PATL2: variants seen among roughly 807,000 people sequenced by gnomAD.
PATL2 encodes PAT1 homolog 2.
PATL2 carries 73 observed loss-of-function variants against 77.0 expected under a neutral mutation model. That is an observed-to-expected ratio of 0.95 (90% CI 0.78 to 1.15). The LOEUF (loss-of-function observed/expected upper bound fraction) is 1.15, where lower values mean the gene tolerates loss of function less well. Ranked by LOEUF, PATL2 falls within the 50% of genes most tolerant of loss-of-function variation. PATL2 has a pLI of 0.00. For synonymous variants in PATL2, 265 were observed against 257.1 expected (o/e 1.03, Z -0.29); for missense variants, 618 against 655.4 (o/e 0.94, Z 0.62).
chr15:44,669,266 C>G lies in PATL2; in HGVS notation c.1064+14G>C. The G allele has an allele frequency of 6.5e-7, 1 of 1,540,912 alleles. No individual in the cohort carries two copies. Among genetic ancestry groups the G allele is most frequent in the Non-Finnish European group, 8.8e-7 (1 of 1,138,424 alleles). ...TTCCCTTCCTGGGCTGAGGTGGAAC[C>G]CTCCCACACTCACTCCAGGTTGTTC... On this transcript the variant is annotated intron_variant, in intron 13 of 17. Transcript: ENST00000682850.
intron 3 of PATL2, among the ~76,000 whole-genome samples, chr15:44,682,794 G>T (rs1458368973): frequency 6.6e-6 from 1 of 152,196 alleles, no homozygotes; most frequent in Non-Finnish European, 1.5e-5. Flanking sequence ...TCAAAACGGT[G>T]GCTGGCAAGA....
At chr15:44,684,739 A>G (rs886907807) in intron 3 of PATL2, among the ~76,000 whole-genome samples, 1 of 152,196 alleles carries the variant, frequency 6.6e-6, no homozygotes, top group African/African-American at 2.4e-5. Context: ...TTCAGGAAAT[A>G]TGGAGAACAC....
chr15:44,673,481 C>A, intron 6 of PATL2, 104 bp from the exon 7 acceptor site: 2 of 1,405,792 alleles, frequency 1.4e-6, no homozygotes, highest in Admixed American at 2.1e-5. Flanking sequence ...CCCTCAAGAA[C>A]TTCACCCAAC....
At chr15:44,666,956 A>G in intron 16 of PATL2, 150 bp downstream of exon 16, 1 of 657,734 alleles carries the variant, frequency 1.5e-6, no homozygotes, top group Non-Finnish European at 2.6e-6. Context: ...GCACTATAGA[A>G]AAAAAGCAGA....
chr15:44,692,440 A>T (rs1294835363), intron 3 of PATL2, among the ~76,000 whole-genome samples: 2 of 152,218 alleles, frequency 1.3e-5, no homozygotes, highest in Non-Finnish European at 2.9e-5. Context: ...TGGTACCTGC[A>T]TCACAGTCTA....
chr15:44,675,512 C>T lies in PATL2; in HGVS notation c.196G>A (p.Val66Ile). Reference protein sequence around the residue: ...EEENDLGDPAVLGAVHNTQRA... With the variant: ...EEENDLGDPAILGAVHNTQRA... Reference sequence around the variant, plus strand: ...TGGGTGTTGTGGACAGCACCAAGTACAGCTGGATCCCCAAGATCATTCTCT... The same window carrying T: ...TGGGTGTTGTGGACAGCACCAAGTATAGCTGGATCCCCAAGATCATTCTCT... Residue 66 changes from valine to isoleucine, a missense_variant, in exon 5 of 18, where the codon GTA becomes ATA. Transcript: ENST00000682850. The T allele has an allele frequency of 5.8e-6, 9 of 1,551,684 alleles. No homozygotes were observed. Among genetic ancestry groups the T allele is most frequent in the Non-Finnish European group, 7.8e-6 (9 of 1,146,940 alleles).
chr15:44,668,859 G>C, intron 14 of PATL2, 121 bp downstream of exon 14: 1 of 1,231,468 alleles, frequency 8.1e-7, no homozygotes, highest in Non-Finnish European at 1.1e-6. Flanking sequence ...GGCAAGGCCA[G>C]CATCCCTCGC....
At chr15:44,707,604 C>T (rs751119880) in intron 3 of PATL2, among the ~76,000 whole-genome samples, 5 of 152,158 alleles carry the variant, frequency 3.3e-5, no homozygotes, top group Non-Finnish European at 5.9e-5. Context: ...GTATCCAATG[C>T]AAGACAAACT....
chr15:44,672,525 A>G (rs1374342387), intron 7 of PATL2, 69 bp from the exon 8 acceptor site: 3 of 1,433,630 alleles, frequency 2.1e-6, no homozygotes, highest in Non-Finnish European at 2.9e-6. Context: ...CCATTCATTC[A>G]GCCCAGGTCA....
chr15:44,687,010 T>C (rs971349568), intron 3 of PATL2, among the ~76,000 whole-genome samples: 8 of 152,160 alleles, frequency 5.3e-5, no homozygotes, highest in Non-Finnish European at 8.8e-5. Flanking sequence ...TCTGAAACTA[T>C]TCCAAACAAT....
At chr15:44,698,374 T>C (rs769889118) in intron 3 of PATL2, among the ~76,000 whole-genome samples, 1 of 152,112 alleles carries the variant, frequency 6.6e-6, no homozygotes, top group Non-Finnish European at 1.5e-5. Context: ...CATTAACCAT[T>C]TCTCCTTCTC....
At chr15:44,669,199 A>C in intron 13 of PATL2, 60 bp from the exon 14 acceptor site, 2 of 1,523,446 alleles carry the variant, frequency 1.3e-6, no homozygotes, top group Non-Finnish European at 1.8e-6. Flanking sequence ...GCTACATGCC[A>C]CAAAGGAGAG....
At position 44,705,165 on chromosome 15, in the gene PATL2, C is replaced by T. The variant is rs1342668384; in HGVS notation, c.-76+4931G>A. 2.0e-5 allele frequency among the ~76,000 whole-genome samples: 3 copies of T among 152,020 alleles called. No individual in the cohort carries two copies. In the East Asian group the frequency reaches 5.8e-4, roughly 29 times the overall value. On this transcript the variant is annotated intron_variant, in intron 3 of 17. Coordinates refer to ENST00000682850, the MANE Select transcript of PATL2 (RefSeq NM_001387263.1). ...TCTACCCCATCTCTCTCTCTACCTC[C>T]TCTTTAAGGCCAATAACTCTTTTTT...
intron 13 of PATL2, 49 bp downstream of exon 13, chr15:44,669,231 T>A (rs2085539193): frequency 1.1e-5 from 17 of 1,534,822 alleles, no homozygotes; most frequent in Non-Finnish European, 1.2e-5. Flanking sequence ...ACCAGTGTCT[T>A]TGCTGCTCCT....
intron 16 of PATL2, chr15:44,666,861 T>A (rs967411564): frequency 1.2e-5 from 6 of 513,542 alleles, no homozygotes; most frequent in Non-Finnish European, 2.1e-5. Context: ...CAGCCAGAAT[T>A]CAAACGTAGG....
chr15:44,678,596 C>A (rs1278833879), intron 3 of PATL2, among the ~76,000 whole-genome samples: 1 of 152,134 alleles, frequency 6.6e-6, no homozygotes. Flanking sequence ...CTTCCCACAG[C>A]CTGTTAGAGC....
chr15:44,672,176 AC>A lies in PATL2; in HGVS notation c.516-21del. 3 of 1,551,604 alleles carry A rather than the reference AC, an allele frequency of 1.9e-6. No homozygotes were observed. The highest frequency in any genetic ancestry group is 2.6e-6 in the Non-Finnish European group (3 of 1,146,964). ...GGGGGACTTTAAGCCAGGAGGAACA[AC>A]CCTTTAGACTTACCCACCACTGGCA... is the stretch of plus-strand genomic sequence containing the variant. On this transcript the variant is annotated intron_variant, in intron 8 of 17. Coordinates refer to ENST00000682850, the MANE Select transcript of PATL2 (RefSeq NM_001387263.1).
Position 44,665,959 on chromosome 15 carries a change from A to C in PATL2, c.1626T>G (p.Ile542Met), listed in dbSNP as rs372758542. Residue 542 changes from isoleucine to methionine, a missense_variant, in exon 18 of 18, where the codon ATT becomes ATG. Physicochemically the swap from Ile to Met is conservative, Grantham distance 10 (BLOSUM62 1). Transcript: ENST00000682850. ...QLEARMEFAW[I>M]Y ...GTATTCCAGAACAAACAGATCAGTA[A>C]ATCCAGGCAAACCTATAAAGAGAAC... The C allele has an allele frequency of 2.7e-5, 41 of 1,544,058 alleles. 1 individual carries two copies. In the East Asian group the frequency reaches 8.6e-4, roughly 32 times the overall value.
rs990023863 is a variant in PATL2, at chr15:44,669,267, C to T, written c.1064+13G>A. ...TCCCTTCCTGGGCTGAGGTGGAACCCTCCCACACTCACTCCAGGTTGTTCT... is the reference window on the plus strand; with the variant it reads ...TCCCTTCCTGGGCTGAGGTGGAACCTTCCCACACTCACTCCAGGTTGTTCT... On this transcript the variant is annotated intron_variant, in intron 13 of 17. Coordinates refer to ENST00000682850, the MANE Select transcript of PATL2 (RefSeq NM_001387263.1). The T allele has an allele frequency of 2.3e-5, 35 of 1,544,528 alleles. No homozygotes were observed. The Middle Eastern group carries it at 2.0e-3, about 88-fold the overall frequency.
Sources: gnomAD v4.1 joint callset for allele counts (sites outside exome capture counted in the v4.1 genomes callset) on GRCh38, gnomAD v4.1.1 for gene constraint, MANE v1.5 for transcripts, NCBI Gene and HGNC (gene_info 2026-07-23, HGNC 2026-07-21) for gene names.